The following FDX1 variants were observed in gnomAD, a reference collection of about 807,000 sequenced individuals.
FDX1 encodes the protein ferredoxin 1.
Under a neutral mutation model 14.9 loss-of-function variants are expected in FDX1, and 9 were observed. That is an observed-to-expected ratio of 0.60 (90% CI 0.36 to 1.05). The LOEUF is 1.05. FDX1 is among the 50% of genes least tolerant of loss of function. FDX1 has a pLI of 0.01. For missense variants in FDX1, 204 were observed against 237.2 expected (o/e 0.86, Z 0.92); for synonymous variants, 92 against 99.4 (o/e 0.93, Z 0.44).
intron 2 of FDX1, among the ~76,000 whole-genome samples, chr11:110,450,859 G>A (rs76031032): frequency 0.011 from 1,736 of 151,984 alleles, 33 homozygotes; most frequent in African/African-American, 0.039. Context: ...CATTTTCCCT[G>A]TTCATTTACT....
At chr11:110,459,749 C>G (rs1020993013) in intron 3 of FDX1, among the ~76,000 whole-genome samples, 1 of 152,302 alleles carries the variant, frequency 6.6e-6, no homozygotes, top group Non-Finnish European at 1.5e-5. Context: ...TGTTGTTTGT[C>G]TCCTTCTCTA....
chr11:110,454,050 T>G (rs1229363840), intron 2 of FDX1, among the ~76,000 whole-genome samples: 1 of 152,228 alleles, frequency 6.6e-6, no homozygotes, highest in Non-Finnish European at 1.5e-5. Flanking sequence ...ATGTGATGTG[T>G]TCATTTAAAG....
intron 2 of FDX1, among the ~76,000 whole-genome samples, chr11:110,439,174 G>A (rs1391142815): frequency 1.3e-5 from 2 of 151,924 alleles, no homozygotes; most frequent in African/African-American, 2.4e-5. Flanking sequence ...CCAAGTACTG[G>A]GATTACAGGT....
chr11:110,429,945 G>C (rs1384357553), upstream of FDX1: 2 of 368,934 alleles, frequency 5.4e-6, no homozygotes, highest in African/African-American at 4.2e-5. Context: ...TCACCCGGAA[G>C]GCACGCGGAA....
intron 2 of FDX1, among the ~76,000 whole-genome samples, chr11:110,456,482 T>C (rs567250538): frequency 6.6e-6 from 1 of 151,896 alleles, no homozygotes; most frequent in East Asian, 1.9e-4. Flanking sequence ...CCCTGTTCTG[T>C]TCATTTTCAC....
intron 2 of FDX1, among the ~76,000 whole-genome samples, chr11:110,443,464 T>G (rs2134681359): frequency 6.8e-6 from 1 of 146,374 alleles, no homozygotes; most frequent in Admixed American, 6.9e-5. Flanking sequence ...TTTTGAGACG[T>G]AGTTTTGCTC....
chr11:110,450,884 C>A (rs1475544931), intron 2 of FDX1, among the ~76,000 whole-genome samples: 1 of 151,972 alleles, frequency 6.6e-6, no homozygotes, highest in Non-Finnish European at 1.5e-5. Context: ...TATAGCCAAC[C>A]ACTTATAAAG....
intron 2 of FDX1, among the ~76,000 whole-genome samples, chr11:110,444,822 T>C (rs1423368856): frequency 6.7e-6 from 1 of 148,332 alleles, no homozygotes; most frequent in Non-Finnish European, 1.5e-5. Context: ...ATGGGATAGC[T>C]GTGCTCCACA....
At chr11:110,438,179 A>G (rs116248068) in intron 2 of FDX1, among the ~76,000 whole-genome samples, 1,945 of 152,242 alleles carry the variant, frequency 0.013, 42 homozygotes, top group African/African-American at 0.044. Flanking sequence ...TGGTAGTTCC[A>G]TTTTTAGTTC....
In FDX1 at chr11:110,437,527, T is replaced by C. The variant is rs192643827; in HGVS notation, c.310+1569T>C. On this transcript the variant is annotated intron_variant, in intron 2 of 3. Coordinates refer to ENST00000260270, the MANE Select transcript of FDX1 (RefSeq NM_004109.5). ...CTTGAAGTCAAGATGGTATATCTCA[T>C]TGTGGTTTTGATTTGTATTTCTCTG... Among the ~76,000 whole-genome samples the C allele has an allele frequency of 2.6e-3, 391 of 152,296 alleles. 3 individuals are homozygous for C. The highest frequency in any genetic ancestry group is 8.1e-3 in the African/African-American group (337 of 41,560).
intron 2 of FDX1, among the ~76,000 whole-genome samples, chr11:110,438,271 C>T (rs1368026207): frequency 6.6e-6 from 1 of 152,204 alleles, no homozygotes; most frequent in Non-Finnish European, 1.5e-5. Context: ...GTTTCCTTTT[C>T]TCCGCAGCCT....
At chr11:110,461,322 C>T (rs530943815) in intron 3 of FDX1, among the ~76,000 whole-genome samples, 6 of 151,878 alleles carry the variant, frequency 4.0e-5, no homozygotes, top group Admixed American at 2.6e-4. Context: ...ATGGTGAAAC[C>T]TTGTCTCTAC....
chr11:110,460,941 T>C lies in FDX1; in HGVS notation c.441-1413T>C, dbSNP rs369994848. Among the ~76,000 whole-genome samples, 34 of 152,294 alleles carry C rather than the reference T, an allele frequency of 2.2e-4. No individual in the cohort carries two copies. The East Asian group carries it at 2.5e-3, about 11-fold the overall frequency. ...TGTGGAGTTGATTTGCTCTTCCTCATTGACATTTAGTGTTGTGCCTTTAGG... is the reference window on the plus strand; with the variant it reads ...TGTGGAGTTGATTTGCTCTTCCTCACTGACATTTAGTGTTGTGCCTTTAGG... On this transcript the variant is annotated intron_variant, in intron 3 of 3. Transcript: ENST00000260270.
In FDX1 at chr11:110,434,242, T is replaced by C. The variant is rs116646377; in HGVS notation, c.186-1592T>C. 5.9e-3 allele frequency among the ~76,000 whole-genome samples: 902 copies of C among 152,218 alleles called. 6 individuals are homozygous for C. Among genetic ancestry groups the C allele is most frequent in the African/African-American group, 0.02 (831 of 41,526 alleles). On this transcript the variant is annotated intron_variant, in intron 1 of 3. Coordinates refer to ENST00000260270, the MANE Select transcript of FDX1 (RefSeq NM_004109.5). ...TGATTTGTAAGTATACAATGTGGAC[T>C]GAAATGAGATGTCAAATACGCAGAA...
rs538386755 is a variant in FDX1, at chr11:110,444,748, GTATATA to G, written c.310+8804_310+8809del. Among the ~76,000 whole-genome samples the G allele has an allele frequency of 3.1e-3, 92 of 29,838 alleles. 4 individuals carry two copies. The highest frequency in any genetic ancestry group is 9.3e-3 in the African/African-American group (75 of 8,102). 19.6% of individuals were successfully genotyped at this position (29,838 alleles called of 152,430 possible). A position where few individuals can be genotyped will look rare whatever the true frequency, so the allele number is the denominator to read the frequency against. ...CGTATATATATATATATATATACAC[GTATATA>G]TATATATATATATTTGCAGAACAAC... On this transcript the variant is annotated intron_variant, in intron 2 of 3. Coordinates refer to ENST00000260270, the MANE Select transcript of FDX1 (RefSeq NM_004109.5).
At chr11:110,433,601 GC>G (rs1946345723) in intron 1 of FDX1, among the ~76,000 whole-genome samples, 3 of 152,152 alleles carry the variant, frequency 2.0e-5, no homozygotes, top group African/African-American at 7.2e-5. Flanking sequence ...TTCATTCTCA[GC>G]CATTGTACTT....
At chr11:110,430,538 C>A (rs1030017881) in intron 1 of FDX1, among the ~76,000 whole-genome samples, 1 of 152,212 alleles carries the variant, frequency 6.6e-6, no homozygotes, top group African/African-American at 2.4e-5. Flanking sequence ...GCATCACCCA[C>A]TCCCGGCGGG....
At position 110,441,521 on chromosome 11, in the gene FDX1, A is replaced by G. The variant is rs1267974451; in HGVS notation, c.310+5563A>G. 2.6e-5 allele frequency among the ~76,000 whole-genome samples: 4 copies of G among 152,236 alleles called. No individual in the cohort carries two copies. The East Asian group carries it at 7.7e-4, about 29-fold the overall frequency. On this transcript the variant is annotated intron_variant, in intron 2 of 3. Coordinates refer to ENST00000260270, the MANE Select transcript of FDX1 (RefSeq NM_004109.5). ...GTAAAGGTGACTCTTGCTATGTTTTAGCAAAGAGACTAGCGCATTTTGCCC... is the reference window on the plus strand; with the variant it reads ...GTAAAGGTGACTCTTGCTATGTTTTGGCAAAGAGACTAGCGCATTTTGCCC...
At chr11:110,444,642 GTGTGT>G (rs1946426664) in intron 2 of FDX1, among the ~76,000 whole-genome samples, 2 of 105,210 alleles carry the variant, frequency 1.9e-5, no homozygotes, top group Non-Finnish European at 3.6e-5. Context: ...ATGTGTGTGT[GTGTGT>G]GTGTATATAT....
Sources: gnomAD v4.1 joint callset for allele counts (sites outside exome capture counted in the v4.1 genomes callset) on GRCh38, gnomAD v4.1.1 for gene constraint, MANE v1.5 for transcripts, NCBI Gene and HGNC (gene_info 2026-07-23, HGNC 2026-07-21) for gene names.